Variants in SRRM2 observed in about 807,000 individuals in gnomAD.
The protein encoded by SRRM2 is serine/arginine repetitive matrix protein 2.
SRRM2 carries 30 observed loss-of-function variants against 213.8 expected under a neutral mutation model. The observed-to-expected ratio is 0.14, with a 90% CI of 0.10 to 0.19. The LOEUF is 0.19. Among genes scored for constraint, SRRM2 ranks in the 10% least tolerant of loss-of-function variants. The pLI is 1.00. For synonymous variants in SRRM2, 2,025 were observed against 1,377.7 expected, an observed-to-expected ratio of 1.47 and a Z score of -10.40; for missense variants, 4,904 against 3,647.0, an observed-to-expected ratio of 1.34 and a Z score of -8.88.
chr16:2,762,263 G>T lies in SRRM2; in HGVS notation c.1735G>T (p.Ala579Ser), dbSNP rs1271683454. ...GGGTAGATCTCGTTCTAGAACACCA[G>T]CCCGCCGGGGCAGGTCCCGCTCTAG... ...TRGRSRSRTP[A>S]RRGRSRSRTP... Residue 579 changes from alanine to serine, a missense_variant, in exon 11 of 15, where the codon GCC becomes TCC. Physicochemically the swap from Ala to Ser is moderately conservative, Grantham distance 99. Coordinates refer to ENST00000301740, the MANE Select transcript of SRRM2 (RefSeq NM_016333.4). 2.5e-6 allele frequency: 4 copies of T among 1,604,388 alleles called. No individual in the cohort carries two copies. The Admixed American group carries it at 6.8e-5, about 27-fold the overall frequency.
Position 2,763,160 on chromosome 16 carries a change from G to A in SRRM2, c.2632G>A (p.Asp878Asn), listed in dbSNP as rs745979288. ...ACGGAGCTGTTTTGAATCATCACCT[G>A]ACCCTGAGTTGAAATCTAGGACCCC... ...QRRSCFESSP[D>N]PELKSRTPSR... Residue 878 changes from aspartate to asparagine, a missense_variant, in exon 11 of 15, where the codon GAC (aspartate) becomes AAC (asparagine). Physicochemically the swap from Asp to Asn is conservative, Grantham distance 23. Transcript: ENST00000301740. 7.4e-6 allele frequency: 12 copies of A among 1,613,908 alleles called. No individual in the cohort carries two copies. The East Asian group carries it at 2.5e-4, about 33-fold the overall frequency.
At position 2,763,035 on chromosome 16, in the gene SRRM2, C is replaced by T. The variant is rs769774071; in HGVS notation, c.2507C>T (p.Ser836Phe). Residue 836 changes from serine (S) to phenylalanine (F), a missense_variant, in exon 11 of 15, where the codon TCC becomes TTC. Physicochemically the swap from Ser to Phe is radical, Grantham distance 155. Transcript: ENST00000301740. ...KSKTPSRQSHSSSSPHPKVKS... is the reference protein window; with the variant it reads ...KSKTPSRQSHFSSSPHPKVKS... ...AAGACACCATCAAGACAAAGTCATTCCAGTTCATCTCCTCATCCTAAAGTG... is the reference window on the plus strand; with the variant it reads ...AAGACACCATCAAGACAAAGTCATTTCAGTTCATCTCCTCATCCTAAAGTG... 6.2e-7 allele frequency: 1 copy of T among 1,614,178 alleles called. No individual in the cohort carries two copies. The highest frequency in any genetic ancestry group is 8.5e-7 in the Non-Finnish European group (1 of 1,180,030).
At chr16:2,770,519 T>C in intron 13 of SRRM2, 54 bp downstream of exon 13, 2 of 1,566,956 alleles carry the variant, frequency 1.3e-6, no homozygotes, top group Non-Finnish European at 1.7e-6. Flanking sequence ...CACTGCTTTC[T>C]ACAAAGAAGA....
chr16:2,767,929 C>A lies in SRRM2; in HGVS notation c.7401C>A (p.Thr2467=). 1 of 1,614,196 alleles carries A rather than the reference C, an allele frequency of 6.2e-7. No individual in the cohort carries two copies. The highest frequency in any genetic ancestry group is 1.1e-5 in the South Asian group (1 of 91,088). ...CCCGTTGTTTGATTGCCCAGACCAC[C>A]CCTGTAGCAGGGTCTCAGTCCCTTT... ...DQSRCLIAQT[T]PVAGSQSLSS... is the part of the protein sequence containing the mutation. The change falls in exon 11 of 15, where the codon ACC becomes ACA. Residue 2467 remains threonine (T), a synonymous_variant. Transcript: ENST00000301740.
Position 2,760,476 on chromosome 16 carries a change from G to A in SRRM2, c.1009G>A (p.Asp337Asn), listed in dbSNP as rs768649839. The A allele has an allele frequency of 3.7e-6, 6 of 1,614,152 alleles. No homozygotes were observed. Among genetic ancestry groups the A allele is most frequent in the Middle Eastern group, 1.6e-4 (1 of 6,062 alleles). ...GAAACAGCCTAGCAGCCCTTATGAA[G>A]ACAAAGATAAAGACAAGAAGGAGGT... ...ATKQPSSPYE[D>N]KDKDKKEKSA... The change falls in exon 10 of 15, where the codon GAC becomes AAC. Residue 337 changes from aspartate to asparagine, a missense_variant. Physicochemically the swap from Asp to Asn is conservative, Grantham distance 23 (BLOSUM62 1). Coordinates refer to ENST00000301740, the MANE Select transcript of SRRM2 (RefSeq NM_016333.4).
chr16:2,761,766 C>T lies in SRRM2; in HGVS notation c.1238C>T (p.Pro413Leu), dbSNP rs1004888668. 4 of 1,613,426 alleles carry T rather than the reference C, an allele frequency of 2.5e-6. No individual in the cohort carries two copies. Among genetic ancestry groups the T allele is most frequent in the Non-Finnish European group, 3.4e-6 (4 of 1,179,746 alleles). ...RSPPKSPEKL[P>L]QSSSSESSPP... ...CCACCTAAGTCTCCCGAGAAACTTC[C>T]CCAGTCTTCTTCCTCAGAGAGCAGC... Residue 413 changes from proline to leucine, a missense_variant, in exon 11 of 15, where the codon CCC becomes CTC. Coordinates refer to ENST00000301740, the MANE Select transcript of SRRM2 (RefSeq NM_016333.4).
intron 4 of SRRM2, 37 bp downstream of exon 4, chr16:2,757,982 C>G (rs751522865): frequency 6.3e-7 from 1 of 1,586,804 alleles, no homozygotes; most frequent in East Asian, 2.2e-5. Flanking sequence ...AGCTTCTTTT[C>G]TTGATTGTAA....
At chr16:2,754,187 C>T (rs1202671429) in intron 1 of SRRM2, among the ~76,000 whole-genome samples, 1 of 152,128 alleles carries the variant, frequency 6.6e-6, no homozygotes, top group Non-Finnish European at 1.5e-5. Context: ...CCCTTAGATG[C>T]CGTGGGGTCG....
At position 2,768,162 on chromosome 16, in the gene SRRM2, C is replaced by T. The variant is rs922236824; in HGVS notation, c.7634C>T (p.Ser2545Phe). The T allele has an allele frequency of 2.5e-5, 40 of 1,613,096 alleles. No individual in the cohort carries two copies. The highest frequency in any genetic ancestry group is 4.0e-5 in the African/African-American group (3 of 74,826). ...SSSSSSSSSS[S>F]SSSSSSSSSS... Reference sequence around the variant, plus strand: ...TCGTCGTCCTCTAGCTCCTCCTCTTCTTCATCATCGTCGTCGTCGTCCTCC... The same window carrying T: ...TCGTCGTCCTCTAGCTCCTCCTCTTTTTCATCATCGTCGTCGTCGTCCTCC... The change falls in exon 11 of 15, where the codon TCT (serine) becomes TTT (phenylalanine). Residue 2545 changes from serine to phenylalanine, a missense_variant. Physicochemically the swap from Ser to Phe is radical, Grantham distance 155. Coordinates refer to ENST00000301740, the MANE Select transcript of SRRM2 (RefSeq NM_016333.4).
Position 2,767,965 on chromosome 16 carries a change from A to G in SRRM2, c.7437A>G (p.Ala2479=). 1.2e-6 allele frequency: 2 copies of G among 1,614,148 alleles called. No individual in the cohort carries two copies. Among genetic ancestry groups the G allele is most frequent in the African/African-American group, 1.3e-5 (1 of 75,026 alleles). The change falls in exon 11 of 15, where the codon GCA becomes GCG. Residue 2479 remains alanine, a synonymous_variant. Coordinates refer to ENST00000301740, the MANE Select transcript of SRRM2 (RefSeq NM_016333.4). ...GGTCTCAGTCCCTTTCCTCTGGGGCAGTGGCAACGACCACGTCCTCTGCTG... is the reference window on the plus strand; with the variant it reads ...GGTCTCAGTCCCTTTCCTCTGGGGCGGTGGCAACGACCACGTCCTCTGCTG... ...VAGSQSLSSG[A]VATTTSSAGD...
In SRRM2 at chr16:2,762,884, C is replaced by G. The variant is rs150748530; in HGVS notation, c.2356C>G (p.Pro786Ala). ...RRSLSGSSPC[P>A]KQKSQTPPRR... ...CAGCCTTTCAGGGTCTTCCCCATGCCCTAAACAAAAGTCACAGACACCACC... is the reference window on the plus strand; with the variant it reads ...CAGCCTTTCAGGGTCTTCCCCATGCGCTAAACAAAAGTCACAGACACCACC... Residue 786 changes from proline to alanine, a missense_variant, in exon 11 of 15, where the codon CCT (proline) becomes GCT (alanine). By Grantham distance (27) the Pro-to-Ala change is conservative (BLOSUM62 -1). Transcript: ENST00000301740. 4 of 1,614,038 alleles carry G rather than the reference C, an allele frequency of 2.5e-6. No individual in the cohort carries two copies. In the African/African-American group the frequency reaches 5.3e-5, roughly 22 times the overall value.
In SRRM2 at chr16:2,762,317, A is replaced by C; in HGVS notation, c.1789A>C (p.Arg597=). 6.2e-7 allele frequency: 1 copy of C among 1,614,072 alleles called. No homozygotes were observed. Among genetic ancestry groups the C allele is most frequent in the Non-Finnish European group, 8.5e-7 (1 of 1,179,982 alleles). ...ACCTGCCAGGCGGAGATCACGATCC[A>C]GAACTCCCACCAGGCGTAGGTCTCG... ...RTPARRRSRS[R]TPTRRRSRSR... Residue 597 remains arginine (R), a synonymous_variant, in exon 11 of 15, where the codon AGA becomes CGA. Transcript: ENST00000301740.
intron 1 of SRRM2, among the ~76,000 whole-genome samples, chr16:2,755,963 T>A (rs766269692): frequency 6.6e-6 from 1 of 152,172 alleles, no homozygotes; most frequent in Non-Finnish European, 1.5e-5. Context: ...ACACCACTTG[T>A]GCATTTTGGG....
Position 2,761,424 on chromosome 16 carries a change from T to A in SRRM2, c.1033-137T>A, listed in dbSNP as rs565334883. 6 of 618,020 alleles carry A rather than the reference T, an allele frequency of 9.7e-6. No homozygotes were observed. The East Asian group carries it at 1.4e-4, about 15-fold the overall frequency. The allele number at this position is 618,020 out of a possible 1,614,324, so 38.3% of individuals were successfully genotyped here. On this transcript the variant is annotated intron_variant, in intron 10 of 14. Coordinates refer to ENST00000301740, the MANE Select transcript of SRRM2 (RefSeq NM_016333.4). ...CTGTGCTTTATATGATTCCTTGTTA[T>A]TGAATGAAAGTGATCGCTTGTGGTC...
chr16:2,762,199 A>C lies in SRRM2; in HGVS notation c.1671A>C (p.Ala557=), dbSNP rs1242359057. ...AGAGAAGAGGCAGGTCTAGGTCAGC[A>C]AGGCGAGGGAGGTCCCACTCTAGAT... ...NTQRRGRSRS[A]RRGRSHSRSP... Residue 557 remains alanine (A), a synonymous_variant, in exon 11 of 15, where the codon GCA becomes GCC. Transcript: ENST00000301740. 6.2e-7 allele frequency: 1 copy of C among 1,614,044 alleles called. No homozygotes were observed. The highest frequency in any genetic ancestry group is 8.5e-7 in the Non-Finnish European group (1 of 1,179,970).
At chr16:2,758,572 G>C (rs371230302) in intron 5 of SRRM2, 25 bp downstream of exon 5, 35 of 1,599,346 alleles carry the variant, frequency 2.2e-5, no homozygotes, top group Non-Finnish European at 2.8e-5. Context: ...AAGTGACTCT[G>C]ATAGCCAGAG....
rs1363452724 is a variant in SRRM2, at chr16:2,765,129, G to A, written c.4601G>A (p.Gly1534Glu). The change falls in exon 11 of 15, where the codon GGG becomes GAG. Residue 1534 changes from glycine (G) to glutamate (E), a missense_variant. Physicochemically the swap from Gly to Glu is moderately conservative, Grantham distance 98 (BLOSUM62 -2). Coordinates refer to ENST00000301740, the MANE Select transcript of SRRM2 (RefSeq NM_016333.4). ...DQKTVARTPL[G>E]QRSRSGSSQE... ...AAAACTGTGGCTCGGACTCCCCTGG[G>A]GCAGAGAAGTCGTTCGGGATCCTCT... 6 of 1,614,070 alleles carry A rather than the reference G, an allele frequency of 3.7e-6. No individual in the cohort carries two copies. In the African/African-American group the frequency reaches 6.7e-5, roughly 18 times the overall value.
chr16:2,771,172 T>TG lies in SRRM2; in HGVS notation c.*307dup, dbSNP rs2068735459. The TG allele has an allele frequency of 1.6e-6, 1 of 622,526 alleles. No individual in the cohort carries two copies. The highest frequency in any genetic ancestry group is 1.8e-5 in the African/African-American group (1 of 54,154). 38.6% of individuals were successfully genotyped at this position (622,526 alleles called of 1,614,324 possible). ...GCCTGGAGTCAGGGCCAGGGAGGCA[T>TG]GGCCCCACTTGTATCCAGAAGTTCC... is the stretch of plus-strand genomic sequence containing the variant. On this transcript the variant is annotated 3_prime_UTR_variant, in exon 15 of 15. Transcript: ENST00000301740.
Position 2,766,984 on chromosome 16 carries a change from C to A in SRRM2, c.6456C>A (p.Ala2152=), listed in dbSNP as rs749216920. 1.2e-6 allele frequency: 2 copies of A among 1,614,170 alleles called. No individual in the cohort carries two copies. The highest frequency in any genetic ancestry group is 1.7e-6 in the Non-Finnish European group (2 of 1,180,044). ...SRTPMSVLQQ[A]GGSMMDGPGP... is the part of the protein sequence containing the mutation. ...CACCCATGTCTGTCCTGCAGCAAGC[C>A]GGCGGCTCCATGATGGATGGTCCAG... The change falls in exon 11 of 15, where the codon GCC becomes GCA. Residue 2152 remains alanine (A), a synonymous_variant. Transcript: ENST00000301740. The surrounding 1 kb of genome is among the most constrained non-coding windows in gnomAD (Gnocchi z 7.0).
Sources: gnomAD v4.1 joint callset for allele counts (sites outside exome capture counted in the v4.1 genomes callset) on GRCh38, gnomAD v4.1.1 for gene constraint, Gnocchi (gnomAD v3.1) non-coding constraint, MANE v1.5 for transcripts, NCBI Gene and HGNC (gene_info 2026-07-23, HGNC 2026-07-21) for gene names.